The following PCDHGB6 variants were observed in gnomAD, a reference collection of about 807,000 sequenced individuals.
The protein encoded by PCDHGB6 is protocadherin gamma-B6.
PCDHGB6 carries 51 observed loss-of-function variants against 59.1 expected under a neutral mutation model. The observed-to-expected ratio is 0.86, with a 90% confidence interval of 0.69 to 1.09. The LOEUF (loss-of-function observed/expected upper bound fraction) is 1.09, where lower values mean the gene tolerates loss of function less well. Ranked by LOEUF, PCDHGB6 falls within the 50% of genes least tolerant of loss-of-function variation. The pLI, the probability that PCDHGB6 is intolerant of heterozygous loss-of-function variation, is 0.00. For missense variants in PCDHGB6, 1,148 were observed against 1,205.1 expected (o/e 0.95, Z 0.70); for synonymous variants, 466 against 495.1 (o/e 0.94, Z 0.78).
In PCDHGB6 at chr5:141,477,018, C is replaced by T. The variant is rs2099403540; in HGVS notation, c.2419-17789C>T. The T allele has an allele frequency of 3.1e-6, 5 of 1,614,262 alleles. No homozygotes were observed. Among genetic ancestry groups the T allele is most frequent in the Non-Finnish European group, 4.2e-6 (5 of 1,180,048 alleles). ...CAACTATTCGCCTTAGACCTTGTAA[C>T]CGGGATGCTGACAATCAAGGGTCGG... On this transcript the variant is annotated intron_variant, in intron 1 of 3. Coordinates refer to ENST00000520790, the MANE Select transcript of PCDHGB6 (RefSeq NM_018926.3). The surrounding 1 kb of genome is among the most constrained non-coding windows in gnomAD (Gnocchi z 4.9).
At chr5:141,419,146 G>A in intron 1 of PCDHGB6, 1 of 1,613,922 alleles carries the variant, frequency 6.2e-7, no homozygotes, top group Non-Finnish European at 8.5e-7. Context: ...ACAGGGGCAA[G>A]CCTCCGTTAT....
chr5:141,431,697 G>T lies in PCDHGB6; in HGVS notation c.2418+21077G>T, dbSNP rs1303639699. 6.2e-7 allele frequency: 1 copy of T among 1,614,206 alleles called. No homozygotes were observed. Among genetic ancestry groups the T allele is most frequent in the Admixed American group, 1.7e-5 (1 of 60,024 alleles). ...GGGGAGTTGGACCACGAGGAGTCAG[G>T]ATTCTACCAGATGGAAGTGCAAGCA... On this transcript the variant is annotated intron_variant, in intron 1 of 3. Transcript: ENST00000520790. This position sits in a 1 kb window ranked among gnomAD's most constrained non-coding sequence, Gnocchi z 4.8.
In PCDHGB6 at chr5:141,487,917, CTACAGTGCACAGGG is replaced by C; in HGVS notation, c.2419-6879_2419-6866del. On this transcript the variant is annotated intron_variant, in intron 1 of 3. Coordinates refer to ENST00000520790, the MANE Select transcript of PCDHGB6 (RefSeq NM_018926.3). The surrounding 1 kb of genome is among the most constrained non-coding windows in gnomAD (Gnocchi z 5.0). ...TGATGGAATGTGGGAGCACAGGAGG[CTACAGTGCACAGGG>C]TACAGTGCACCAGGCAGTCACTTGG... 1 of 647,994 alleles carries C rather than the reference CTACAGTGCACAGGG, an allele frequency of 1.5e-6. No homozygotes were observed. The highest frequency in any genetic ancestry group is 2.7e-6 in the Non-Finnish European group (1 of 377,182). 40.1% of individuals were successfully genotyped at this position (647,994 alleles called of 1,614,324 possible).
chr5:141,423,157 G>A (rs527921011), intron 1 of PCDHGB6: 1 of 1,610,820 alleles, frequency 6.2e-7, no homozygotes, highest in Non-Finnish European at 8.5e-7. Flanking sequence ...GCAGAGCCTC[G>A]TGGTGGCCGT....
rs139608956 is a variant in PCDHGB6, at chr5:141,510,637, A to G, written c.2567-310A>G. Among the ~76,000 whole-genome samples, 4 of 152,242 alleles carry G rather than the reference A, an allele frequency of 2.6e-5. No individual in the cohort carries two copies. The East Asian group carries it at 7.7e-4, about 29-fold the overall frequency. ...ACTAAAACCAGAAGAGGTGGTTACC[A>G]TTATCATCCCCATTTTGCAGATGAG... On this transcript the variant is annotated intron_variant, in intron 3 of 3. Transcript: ENST00000520790.
intron 3 of PCDHGB6, among the ~76,000 whole-genome samples, chr5:141,506,473 G>A (rs976701500): frequency 2.7e-4 from 40 of 150,506 alleles, no homozygotes; most frequent in Admixed American, 1.5e-3. Flanking sequence ...AAAGAGCACA[G>A]GCTTTAGAGG....
chr5:141,414,783 G>C, intron 1 of PCDHGB6: 2 of 1,614,220 alleles, frequency 1.2e-6, no homozygotes, highest in Non-Finnish European at 1.7e-6. Context: ...AGATGCAGGT[G>C]ACAGCCAGCG....
chr5:141,425,241 AG>A (rs2096863585), intron 1 of PCDHGB6, among the ~76,000 whole-genome samples: 1 of 152,220 alleles, frequency 6.6e-6, no homozygotes, highest in Admixed American at 6.5e-5. Flanking sequence ...TTAAATAAAA[AG>A]GATATGAGGT....
chr5:141,420,330 C>G lies in PCDHGB6; in HGVS notation c.2418+9710C>G, dbSNP rs765696240. 711 of 1,399,258 alleles carry G rather than the reference C, an allele frequency of 5.1e-4. 1 individual carries two copies. The highest frequency in any genetic ancestry group is 6.5e-4 in the Non-Finnish European group (676 of 1,043,138). 86.7% of individuals were successfully genotyped at this position (1,399,258 alleles called of 1,614,324 possible). A position where few individuals can be genotyped will look rare whatever the true frequency, so the allele number is the denominator to read the frequency against. On this transcript the variant is annotated intron_variant, in intron 1 of 3. Coordinates refer to ENST00000520790, the MANE Select transcript of PCDHGB6 (RefSeq NM_018926.3). Reference sequence around the variant, plus strand: ...TTATATTACAATATGCCAATATATTCCAATATAGTGGTATTATTTTAAGAT... The same window carrying G: ...TTATATTACAATATGCCAATATATTGCAATATAGTGGTATTATTTTAAGAT...
intron 1 of PCDHGB6, chr5:141,422,899 G>A: frequency 2.5e-6 from 4 of 1,614,234 alleles, no homozygotes; most frequent in Non-Finnish European, 3.4e-6. Flanking sequence ...GGACCAGAAC[G>A]ACAATGCGCC....
chr5:141,430,587 T>C, intron 1 of PCDHGB6: 1 of 521,996 alleles, frequency 1.9e-6, no homozygotes, highest in Non-Finnish European at 3.1e-6. Context: ...CCTGCTCGCC[T>C]TGCACGCGCC....
chr5:141,491,837 G>A lies in PCDHGB6; in HGVS notation c.2419-2970G>A, dbSNP rs1404051857. The A allele has an allele frequency of 1.4e-6, 2 of 1,472,862 alleles. No individual in the cohort carries two copies. The highest frequency in any genetic ancestry group is 1.8e-6 in the Non-Finnish European group (2 of 1,111,878). The allele number at this position is 1,472,862 out of a possible 1,614,324, so 91.2% of individuals were successfully genotyped here. A position where few individuals can be genotyped will look rare whatever the true frequency, so the allele number is the denominator to read the frequency against. ...TGGCTGCGCTCCACCCGATTCTCGG[G>A]ATCATTGGACCGTTTGCGCGAAACC... On this transcript the variant is annotated intron_variant, in intron 1 of 3. Transcript: ENST00000520790. The surrounding 1 kb of genome is among the most constrained non-coding windows in gnomAD (Gnocchi z 6.9).
intron 1 of PCDHGB6, chr5:141,415,732 T>G (rs1159160519): frequency 5.0e-6 from 7 of 1,411,138 alleles, no homozygotes; most frequent in Non-Finnish European, 6.5e-6. Context: ...AATTTGATGT[T>G]TATTAAGGTT....
intron 3 of PCDHGB6, among the ~76,000 whole-genome samples, chr5:141,510,162 A>C (rs947806998): frequency 6.6e-6 from 1 of 151,838 alleles, no homozygotes; most frequent in Non-Finnish European, 1.5e-5. Flanking sequence ...AATCTCAGCT[A>C]CTCAGGAGGT....
In PCDHGB6 at chr5:141,487,265, G is replaced by A; in HGVS notation, c.2419-7542G>A. 2 of 1,614,158 alleles carry A rather than the reference G, an allele frequency of 1.2e-6. 1 individual carries two copies. Among genetic ancestry groups the A allele is most frequent in the South Asian group, 2.2e-5 (2 of 91,084 alleles). On this transcript the variant is annotated intron_variant, in intron 1 of 3. Transcript: ENST00000520790. The surrounding 1 kb of genome is among the most constrained non-coding windows in gnomAD (Gnocchi z 5.0). Reference sequence around the variant, plus strand: ...AACCCTCTACTTGGCTGTGTCCCTAGTGGCAATTTGCTTTGTCTCCTTTGG... The same window carrying A: ...AACCCTCTACTTGGCTGTGTCCCTAATGGCAATTTGCTTTGTCTCCTTTGG...
At chr5:141,507,724 G>A (rs2099862962) in intron 3 of PCDHGB6, among the ~76,000 whole-genome samples, 1 of 152,256 alleles carries the variant, frequency 6.6e-6, no homozygotes. Context: ...CTCCAAGCAA[G>A]TCATGCAGCT....
intron 1 of PCDHGB6, chr5:141,419,601 C>T (rs753678898): frequency 6.2e-7 from 1 of 1,611,818 alleles, no homozygotes; most frequent in South Asian, 1.1e-5. Context: ...GTGCCGCGGG[C>T]CGCGCAGCCA....
chr5:141,440,535 G>C (rs1305958587), intron 1 of PCDHGB6: 1 of 152,154 alleles, frequency 6.6e-6, no homozygotes, highest in African/African-American at 2.4e-5. Flanking sequence ...CATGCACCAC[G>C]GTTCAGCAGG....
At chr5:141,478,563 C>G (rs1484075735) in intron 1 of PCDHGB6, 16 of 1,596,154 alleles carry the variant, frequency 1.0e-5, no homozygotes, top group African/African-American at 1.3e-5. Context: ...TTTAGCAAGT[C>G]ATGCTTGACC....
Sources: gnomAD v4.1 joint callset for allele counts (sites outside exome capture counted in the v4.1 genomes callset) on GRCh38, gnomAD v4.1.1 for gene constraint, Gnocchi (gnomAD v3.1) non-coding constraint, MANE v1.5 for transcripts, NCBI Gene and HGNC (gene_info 2026-07-23, HGNC 2026-07-21) for gene names.